Variants in TLN2 observed in about 807,000 individuals in gnomAD.
TLN2 encodes talin 2.
TLN2 carries 118 observed loss-of-function variants against 294.7 expected under a neutral mutation model. That is an observed-to-expected ratio of 0.40 (90% confidence interval 0.34 to 0.47). The LOEUF (loss-of-function observed/expected upper bound fraction) is 0.47. Among genes scored for constraint, TLN2 ranks in the 20% least tolerant of loss-of-function variants. TLN2 has a pLI of 0.84. For missense variants in TLN2, 3,083 were observed against 3,282.2 expected (o/e 0.94, Z 1.48); for synonymous variants, 1,431 against 1,304.5 (o/e 1.10, Z -2.09).
intron 3 of TLN2, among the ~76,000 whole-genome samples, chr15:62,621,082 G>A (rs976415293): frequency 6.0e-5 from 9 of 150,038 alleles, no homozygotes; most frequent in Non-Finnish European, 1.0e-4. Flanking sequence ...CTTGTGATCC[G>A]CCCACCTCGG....
intron 9 of TLN2, chr15:62,658,133 C>G (rs1307764396): frequency 6.8e-6 from 2 of 293,038 alleles, no homozygotes; most frequent in Non-Finnish European, 1.3e-5. Flanking sequence ...CCCTCCACCC[C>G]CTTTTTTTCC....
At chr15:62,392,630 A>G (rs541904447) in intron 1 of TLN2, among the ~76,000 whole-genome samples, 1 of 152,264 alleles carries the variant, frequency 6.6e-6, no homozygotes, top group South Asian at 2.1e-4. Flanking sequence ...ACAGGCAGCC[A>G]ATTGCAGGAA....
intron 54 of TLN2, among the ~76,000 whole-genome samples, chr15:62,825,818 A>ATATTATATAT (rs2068081373): frequency 1.3e-5 from 1 of 74,488 alleles, no homozygotes; most frequent in African/African-American, 9.2e-5. Flanking sequence ...TTATATTATA[A>ATATTATATAT]TATATATTAT....
In TLN2 at chr15:62,736,893, A is replaced by G. The variant is rs2061047604; in HGVS notation, c.3374A>G (p.Glu1125Gly). Reference sequence around the variant, plus strand: ...TTTCCCCCAGGGGTGGCTGCTAGAGAGACGGCCCAAGCTCTGAAAACACTG... The same window carrying G: ...TTTCCCCCAGGGGTGGCTGCTAGAGGGACGGCCCAAGCTCTGAAAACACTG... ...NEHYTGVAAR[E>G]TAQALKTLAQ... Residue 1125 changes from glutamate (E) to glycine (G), a missense_variant, in exon 29 of 59, where the codon GAG (glutamate) becomes GGG (glycine). Glu to Gly is a moderately conservative substitution (Grantham distance 98). Transcript: ENST00000636159. 1 of 1,613,958 alleles carries G rather than the reference A, an allele frequency of 6.2e-7. No individual in the cohort carries two copies. Among genetic ancestry groups the G allele is most frequent in the Non-Finnish European group, 8.5e-7 (1 of 1,179,958 alleles).
intron 11 of TLN2, among the ~76,000 whole-genome samples, chr15:62,684,429 T>A (rs2141036466): frequency 6.6e-6 from 1 of 152,356 alleles, no homozygotes; most frequent in Admixed American, 6.5e-5. Context: ...TGCCCTGCAC[T>A]GATCTCACCC....
At chr15:62,430,934 C>CAAAA (rs10649000) in intron 1 of TLN2, among the ~76,000 whole-genome samples, 41,766 of 143,376 alleles carry the variant, frequency 0.29, 6,632 homozygotes, top group East Asian at 0.64. Flanking sequence ...CAGGAAAAGC[C>CAAAA]AAAAAAAAAA....
At position 62,792,663 on chromosome 15, in the gene TLN2, G is replaced by A. The variant is rs771686056; in HGVS notation, c.5759G>A (p.Arg1920His). The change falls in exon 46 of 59, where the codon CGT becomes CAT. Residue 1920 changes from arginine (R) to histidine (H), a missense_variant. By Grantham distance (29) the Arg-to-His change is conservative. Coordinates refer to ENST00000636159, the MANE Select transcript of TLN2 (RefSeq NM_015059.3). ...CAGATCGGATTCCAGATTCGCACTC[G>A]TGTGCAGGACCTGGGCCACGGCTGT... ...PEEIGFQIRT[R>H]VQDLGHGCIF... 4.3e-6 allele frequency: 7 copies of A among 1,613,524 alleles called. No homozygotes were observed. The highest frequency in any genetic ancestry group is 3.3e-5 in the South Asian group (3 of 91,054).
At chr15:62,563,815 G>A (rs1349503775) in intron 1 of TLN2, among the ~76,000 whole-genome samples, 4 of 152,142 alleles carry the variant, frequency 2.6e-5, no homozygotes. Flanking sequence ...GATTCCTTCA[G>A]CTTCCTCTGC....
At chr15:62,740,858 G>C in intron 32 of TLN2, 89 bp downstream of exon 32, 2 of 1,547,668 alleles carry the variant, frequency 1.3e-6, no homozygotes, top group Non-Finnish European at 1.8e-6. Flanking sequence ...CACTTTTGCT[G>C]AGCAAAAGAA....
intron 9 of TLN2, among the ~76,000 whole-genome samples, chr15:62,671,298 A>G (rs1021022821): frequency 1.3e-5 from 2 of 151,762 alleles, no homozygotes; most frequent in African/African-American, 4.8e-5. Flanking sequence ...AGTCCATTTT[A>G]TTTTTTTTCT....
At chr15:62,458,690 G>C (rs920743920) in intron 1 of TLN2, among the ~76,000 whole-genome samples, 5 of 151,562 alleles carry the variant, frequency 3.3e-5, no homozygotes, top group Non-Finnish European at 5.9e-5. Context: ...GGTCACCTGA[G>C]TCCAGGAGGT....
At chr15:62,712,171 T>A in intron 22 of TLN2, 94 bp downstream of exon 22, 2 of 1,477,720 alleles carry the variant, frequency 1.4e-6, no homozygotes, top group Admixed American at 3.9e-5. Context: ...CATCCGAGTG[T>A]GCATTTTTGT....
chr15:62,609,400 G>A (rs769234999), intron 2 of TLN2, among the ~76,000 whole-genome samples: 1 of 152,180 alleles, frequency 6.6e-6, no homozygotes, highest in African/African-American at 2.4e-5. Flanking sequence ...AAATGTCCCA[G>A]CCATGTCCTT....
chr15:62,582,247 C>CACACACACACACACA (rs1412650912), intron 1 of TLN2, among the ~76,000 whole-genome samples: 3 of 103,134 alleles, frequency 2.9e-5, no homozygotes, highest in African/African-American at 1.1e-4. Flanking sequence ...CACACACACA[C>CACACACACACACACA]ATTCATGCCT....
chr15:62,582,195 T>TAC (rs67748452), intron 1 of TLN2, among the ~76,000 whole-genome samples: 3,505 of 66,414 alleles, frequency 0.053, 156 homozygotes, highest in Admixed American at 0.088. Flanking sequence ...TGTGTATGCA[T>TAC]ACACACACAC....
chr15:62,832,557 A>G (rs2068982519), intron 54 of TLN2: 1 of 152,246 alleles, frequency 6.6e-6, no homozygotes, highest in South Asian at 2.1e-4. Context: ...TTTAGCAGCA[A>G]AGGAGATGGT....
intron 3 of TLN2, among the ~76,000 whole-genome samples, chr15:62,633,279 A>G (rs997604347): frequency 6.6e-6 from 1 of 152,188 alleles, no homozygotes; most frequent in African/African-American, 2.4e-5. Context: ...CTACACCAGC[A>G]CCTGCATCTA....
chr15:62,673,028 A>G (rs1209360780), intron 9 of TLN2, among the ~76,000 whole-genome samples: 1 of 151,440 alleles, frequency 6.6e-6, no homozygotes, highest in Non-Finnish European at 1.5e-5. Flanking sequence ...TATCCTAATT[A>G]TATGTAACAT....
At chr15:62,522,622 T>C (rs1449053801) in intron 1 of TLN2, among the ~76,000 whole-genome samples, 1 of 152,190 alleles carries the variant, frequency 6.6e-6, no homozygotes, top group African/African-American at 2.4e-5. Context: ...TGTTGTTTTT[T>C]TAAAAAGCAA....
Sources: allele counts gnomAD v4.1 joint callset (sites outside exome capture counted in the v4.1 genomes callset), GRCh38; gene constraint gnomAD v4.1.1; transcripts MANE v1.5; gene names NCBI Gene and HGNC (gene_info 2026-07-23, HGNC 2026-07-21).